SLC35E1: variants seen among roughly 807,000 people sequenced by gnomAD.
SLC35E1 encodes solute carrier family 35 member E1, also known as solute carrier family 35, member E1.
SLC35E1 carries 12 observed loss-of-function variants against 31.0 expected under a neutral mutation model. The ratio of observed to expected loss-of-function variants is 0.39; its 90% CI spans 0.25 to 0.63. The LOEUF (loss-of-function observed/expected upper bound fraction) is 0.63. SLC35E1 is among the 20% of genes least tolerant of loss of function. The pLI, the probability that SLC35E1 is intolerant of heterozygous loss-of-function variation, is 0.52. For synonymous variants in SLC35E1, 257 were observed against 264.1 expected, an observed-to-expected ratio of 0.97 and a Z score of 0.26; for missense variants, 429 against 572.2, an observed-to-expected ratio of 0.75 and a Z score of 2.55.
intron 4 of SLC35E1, among the ~76,000 whole-genome samples, chr19:16,557,671 A>G (rs2085881652): frequency 6.6e-6 from 1 of 152,190 alleles, no homozygotes; most frequent in African/African-American, 2.4e-5. Context: ...CTGGAATCAC[A>G]TGGCTGGGAA....
intron 4 of SLC35E1, among the ~76,000 whole-genome samples, chr19:16,558,983 T>C (rs2085890717): frequency 6.6e-6 from 1 of 151,648 alleles, no homozygotes; most frequent in South Asian, 2.1e-4. Context: ...TTGGTCAGGC[T>C]GGTCTTGAAC....
chr19:16,568,657 A>T (rs982780993), intron 2 of SLC35E1, among the ~76,000 whole-genome samples: 1 of 152,164 alleles, frequency 6.6e-6, no homozygotes, highest in Non-Finnish European at 1.5e-5. Context: ...CAGACTCCCC[A>T]GTAGCTGGGA....
intron 4 of SLC35E1, chr19:16,557,230 G>A: frequency 3.3e-6 from 1 of 301,110 alleles, no homozygotes; most frequent in Non-Finnish European, 6.5e-6. Context: ...GTTTTGCTCT[G>A]TCGCCCAGGC....
rs374298006 is a variant in SLC35E1 at position 16,555,375 on chromosome 19, C to G, written c.779G>C (p.Trp260Ser). The stretch of plus-strand genomic sequence containing the variant: ...GCTGACAGCCAGGAGCAGGAGCGTC[C>G]AGGGCCACTGGTAGACGTAGGTCTG... ...SDLTYVYQWPWTLLLLAVSGF... is the reference protein window; with the variant it reads ...SDLTYVYQWPSTLLLLAVSGF... Residue 260 changes from tryptophan (W) to serine (S), a missense_variant, in exon 5 of 6, where the codon TGG becomes TCG. By Grantham distance (177) the Trp-to-Ser change is radical. Coordinates refer to ENST00000595753, the MANE Select transcript of SLC35E1 (RefSeq NM_024881.5). The surrounding 1 kb of genome is among the most constrained non-coding windows in gnomAD (Gnocchi z 4.1). 119 of 1,613,874 alleles carry G rather than the reference C, an allele frequency of 7.4e-5. No homozygotes were observed. Among genetic ancestry groups the G allele is most frequent in the Non-Finnish European group, 9.9e-5 (117 of 1,180,026 alleles).
rs1183587950 is a variant in SLC35E1 at position 16,566,617 on chromosome 19, T to C, written c.671A>G (p.Asn224Ser). ...DSRIHHLRLL[N>S]ILGCHAVFFM... The stretch of plus-strand genomic sequence containing the variant: ...GAAGACGGCGTGGCAGCCCAGGATG[T>C]TGAGCAGCCGGAGATGGTGGATCCG... The change falls in exon 4 of 6, where the codon AAC becomes AGC. Residue 224 changes from asparagine (N) to serine (S), a missense_variant. Coordinates refer to ENST00000595753, the MANE Select transcript of SLC35E1 (RefSeq NM_024881.5). 6.2e-7 allele frequency: 1 copy of C among 1,612,586 alleles called. No homozygotes were observed. The highest frequency in any genetic ancestry group is 2.2e-5 in the East Asian group (1 of 44,882).
At chr19:16,563,516 CT>C (rs931169128) in intron 4 of SLC35E1, among the ~76,000 whole-genome samples, 5 of 151,218 alleles carry the variant, frequency 3.3e-5, no homozygotes, top group African/African-American at 9.7e-5. Context: ...CAGACTTCTT[CT>C]TTTTTTTTAT....
chr19:16,560,881 C>CAAAAAAAAAAAAAAAAAAAAAA (rs1304202019), intron 4 of SLC35E1, among the ~76,000 whole-genome samples: 3 of 68,058 alleles, frequency 4.4e-5, no homozygotes, highest in Admixed American at 1.6e-4. Context: ...AAAAAAAAAC[C>CAAAAAAAAAAAAAAAAAAAAAA]AAAAAAAAAA....
intron 2 of SLC35E1, among the ~76,000 whole-genome samples, chr19:16,568,539 T>TA (rs1284427575): frequency 1.3e-5 from 2 of 152,176 alleles, no homozygotes; most frequent in African/African-American, 2.4e-5. Flanking sequence ...TTTTAAAAAA[T>TA]AGTTTTTTTG....
Position 16,551,752 on chromosome 19 carries a change from CTTTT to C in SLC35E1, c.*1923_*1926del, listed in dbSNP as rs754006311. ...TTTCTGCCAAGACCCAAACTGATTC[CTTTT>C]TTTTTTTTTTTTTTTTGAGACAGAG... On this transcript the variant is annotated 3_prime_UTR_variant, in exon 6 of 6. Transcript: ENST00000595753. 3.1e-5 allele frequency: 4 copies of C among 128,236 alleles called. No individual in the cohort carries two copies. The highest frequency in any genetic ancestry group is 2.5e-4 in the South Asian group (1 of 3,960). The allele number at this position is 128,236 out of a possible 1,614,324, so 7.9% of individuals were successfully genotyped here. A position where few individuals can be genotyped will look rare whatever the true frequency, so the allele number is the denominator to read the frequency against.
Position 16,558,633 on chromosome 19 carries a change from C to T in SLC35E1, c.757-3236G>A, listed in dbSNP as rs1250496162. On this transcript the variant is annotated intron_variant, in intron 4 of 5. Coordinates refer to ENST00000595753, the MANE Select transcript of SLC35E1 (RefSeq NM_024881.5). ...ATTGGATTATATGCATGAACCACTG[C>T]ACCCAGCCATCTGTCCATTGTCTTC... is the stretch of plus-strand genomic sequence containing the variant. 2.6e-5 allele frequency among the ~76,000 whole-genome samples: 4 copies of T among 152,132 alleles called. No homozygotes were observed. The East Asian group carries it at 7.7e-4, about 29-fold the overall frequency.
intron 4 of SLC35E1, among the ~76,000 whole-genome samples, chr19:16,564,471 A>G (rs1329520036): frequency 6.6e-6 from 1 of 151,948 alleles, no homozygotes; most frequent in Non-Finnish European, 1.5e-5. Context: ...ATGCCTGGCA[A>G]ATTTTTGTAT....
intron 2 of SLC35E1, among the ~76,000 whole-genome samples, chr19:16,571,103 A>G (rs1424550315): frequency 6.6e-6 from 1 of 151,888 alleles, no homozygotes; most frequent in Non-Finnish European, 1.5e-5. Flanking sequence ...CTCAAAAAAA[A>G]AAAAAAAAAA....
chr19:16,561,329 C>CCAAGCAGA (rs1481763823), intron 4 of SLC35E1, among the ~76,000 whole-genome samples: 1 of 151,748 alleles, frequency 6.6e-6, no homozygotes. Flanking sequence ...TCTCCAGACT[C>CCAAGCAGA]CAAGCAGAGA....
rs544678139 is a variant in SLC35E1 at position 16,571,635 on chromosome 19, C to A, written c.422-53G>T. On this transcript the variant is annotated intron_variant, in intron 1 of 5. Transcript: ENST00000595753. ...GGGCTGCCTGAATTTCAGGGCCCAA[C>A]CTGTTCCACCTCCACGGCGGGATGG... 3.8e-6 allele frequency: 6 copies of A among 1,585,860 alleles called. No homozygotes were observed. The East Asian group carries it at 1.3e-4, about 35-fold the overall frequency.
In SLC35E1 at chr19:16,572,167, G is replaced by A. The variant is rs1205954258; in HGVS notation, c.198C>T (p.Ile66=). Residue 66 remains isoleucine (I), a synonymous_variant, in exon 1 of 6, where the codon ATC becomes ATT. Coordinates refer to ENST00000595753, the MANE Select transcript of SLC35E1 (RefSeq NM_024881.5). This position sits in a 1 kb window ranked among gnomAD's most constrained non-coding sequence, Gnocchi z 4.1. The part of the protein sequence containing the change: ...PFPVTVSLCH[I]LALCAGLPPL... Reference sequence around the variant, plus strand: ...GCGGGAGCCCAGCGCACAGAGCCAGGATGTGGCACAGCGACACGGTCACCG... The same window carrying A: ...GCGGGAGCCCAGCGCACAGAGCCAGAATGTGGCACAGCGACACGGTCACCG... 6.5e-7 allele frequency: 1 copy of A among 1,530,954 alleles called. No homozygotes were observed. Among genetic ancestry groups the A allele is most frequent in the South Asian group, 1.2e-5 (1 of 82,146 alleles). 94.8% of individuals were successfully genotyped at this position (1,530,954 alleles called of 1,614,324 possible). A position where few individuals can be genotyped will look rare whatever the true frequency, so the allele number is the denominator to read the frequency against.
chr19:16,566,834 T>G (rs1420446359), intron 3 of SLC35E1, among the ~76,000 whole-genome samples, 177 bp from the exon 4 acceptor site: 2 of 152,212 alleles, frequency 1.3e-5, no homozygotes, highest in African/African-American at 4.8e-5. Flanking sequence ...ACAAGCACCA[T>G]GCTCCACGCA....
At chr19:16,568,340 G>A (rs2085941995) in intron 2 of SLC35E1, among the ~76,000 whole-genome samples, 171 bp from the exon 3 acceptor site, 1 of 152,184 alleles carries the variant, frequency 6.6e-6, no homozygotes, top group South Asian at 2.1e-4. Context: ...CTGGGGGCAG[G>A]TGGTTATCAG....
Position 16,551,574 on chromosome 19 carries a change from G to A in SLC35E1, c.*2105C>T, listed in dbSNP as rs2085845561. Reference sequence around the variant, plus strand: ...GCAAGAAGCTGGGTGTGGTGATGAAGAAAGAAGGCAGCCATCACCTAAGAC... The same window carrying A: ...GCAAGAAGCTGGGTGTGGTGATGAAAAAAGAAGGCAGCCATCACCTAAGAC... On this transcript the variant is annotated 3_prime_UTR_variant, in exon 6 of 6. Coordinates refer to ENST00000595753, the MANE Select transcript of SLC35E1 (RefSeq NM_024881.5). 1 of 152,058 alleles carries A rather than the reference G, an allele frequency of 6.6e-6. No homozygotes were observed. Among genetic ancestry groups the A allele is most frequent in the South Asian group, 2.1e-4 (1 of 4,814 alleles). 9.4% of individuals were successfully genotyped at this position (152,058 alleles called of 1,614,324 possible). A position where few individuals can be genotyped will look rare whatever the true frequency, so the allele number is the denominator to read the frequency against.
Position 16,555,117 on chromosome 19 carries a change from G to A in SLC35E1, c.1002+35C>T, listed in dbSNP as rs373187280. The A allele has an allele frequency of 2.0e-5, 32 of 1,611,676 alleles. No individual in the cohort carries two copies. The highest frequency in any genetic ancestry group is 3.3e-5 in the South Asian group (3 of 90,912). ...CTGACTTCCTGGGTGTTGGGGGGCC[G>A]GCTTCCTTCCCTGCCCAGCCTCTCA... is the stretch of plus-strand genomic sequence containing the variant. On this transcript the variant is annotated intron_variant, in intron 5 of 5. Coordinates refer to ENST00000595753, the MANE Select transcript of SLC35E1 (RefSeq NM_024881.5). This position sits in a 1 kb window ranked among gnomAD's most constrained non-coding sequence, Gnocchi z 4.1.
Sources: allele counts gnomAD v4.1 joint callset (sites outside exome capture counted in the v4.1 genomes callset), GRCh38; gene constraint gnomAD v4.1.1; non-coding constraint Gnocchi (gnomAD v3.1); transcripts MANE v1.5; gene names NCBI Gene and HGNC (gene_info 2026-07-23, HGNC 2026-07-21).